GRIA1: variants seen among roughly 807,000 people sequenced by gnomAD.
GRIA1 encodes the protein glutamate ionotropic receptor AMPA type subunit 1.
A neutral mutation model predicts 99.2 loss-of-function variants in GRIA1; 31 were observed. That is an observed-to-expected ratio of 0.31 (90% CI 0.23 to 0.42). GRIA1 has a LOEUF of 0.42. Ranked by LOEUF, GRIA1 falls within the 10% of genes least tolerant of loss-of-function variation. GRIA1 has a pLI of 1.00. For synonymous variants in GRIA1, 438 were observed against 432.4 expected, an observed-to-expected ratio of 1.01 and a Z score of -0.16; for missense variants, 782 against 1,157.5, an observed-to-expected ratio of 0.68 and a Z score of 4.71.
rs1292082267 is a variant in GRIA1 at position 153,634,319 on chromosome 5, AAAAAAAAAAAG to A, written c.221-12596_221-12586del. On this transcript the variant is annotated intron_variant, in intron 2 of 15. Coordinates refer to ENST00000285900, the MANE Select transcript of GRIA1 (RefSeq NM_000827.4). ...GGCAACAGAGTGAGACTCCATCTCA[AAAAAAAAAAAG>A]AAAAAAAAAAGAGTAGGATGAGTAT... Among the ~76,000 whole-genome samples, 7 of 122,778 alleles carry A rather than the reference AAAAAAAAAAAG, an allele frequency of 5.7e-5. No individual in the cohort carries two copies. The East Asian group carries it at 1.2e-3, about 21-fold the overall frequency. 80.5% of individuals were successfully genotyped at this position (122,778 alleles called of 152,430 possible).
intron 2 of GRIA1, among the ~76,000 whole-genome samples, chr5:153,503,036 A>C (rs1755157542): frequency 6.6e-6 from 1 of 152,160 alleles, no homozygotes; most frequent in African/African-American, 2.4e-5. Flanking sequence ...ATTATTGCAC[A>C]TTCATTTTTA....
At chr5:153,769,806 A>G (rs1377932725) in intron 12 of GRIA1, among the ~76,000 whole-genome samples, 1 of 151,806 alleles carries the variant, frequency 6.6e-6, no homozygotes, top group Non-Finnish European at 1.5e-5. Context: ...TCAGCTTTCT[A>G]TTTCTTCTGG....
At chr5:153,668,456 T>A (rs891853611) in intron 5 of GRIA1, among the ~76,000 whole-genome samples, 3 of 152,352 alleles carry the variant, frequency 2.0e-5, no homozygotes, top group Admixed American at 2.0e-4. Context: ...TGTGGAACTA[T>A]ATGACATTAA....
At chr5:153,648,805 T>C (rs1349322313) in intron 3 of GRIA1, among the ~76,000 whole-genome samples, 1 of 151,654 alleles carries the variant, frequency 6.6e-6, no homozygotes, top group Non-Finnish European at 1.5e-5. Context: ...CCATGCAAGA[T>C]CAAAATAATA....
intron 7 of GRIA1, among the ~76,000 whole-genome samples, chr5:153,683,621 A>G (rs900906652): frequency 1.3e-5 from 2 of 152,198 alleles, no homozygotes; most frequent in Admixed American, 1.3e-4. Context: ...GAAGGCAGTA[A>G]AAGTGTCAGT....
At chr5:153,626,851 G>C (rs948867704) in intron 2 of GRIA1, among the ~76,000 whole-genome samples, 3 of 152,144 alleles carry the variant, frequency 2.0e-5, no homozygotes, top group African/African-American at 7.2e-5. Context: ...CAGCTCAAGA[G>C]ACAGTAGGAA....
chr5:153,656,414 T>TATATATATATATATATATATA (rs1754968532), intron 5 of GRIA1, among the ~76,000 whole-genome samples: 52 of 146,840 alleles, frequency 3.5e-4, no homozygotes, highest in African/African-American at 4.5e-4. Flanking sequence ...TATATATATA[T>TATATATATATATATATATATA]TTGTTTTAAT....
chr5:153,789,351 A>G lies in GRIA1; in HGVS notation c.2271-5270A>G, dbSNP rs116444704. ...TATATATATATCTCCTACATATATG[A>G]TATAAATAAATATATATGTTGTGTA... On this transcript the variant is annotated intron_variant, in intron 13 of 15. Coordinates refer to ENST00000285900, the MANE Select transcript of GRIA1 (RefSeq NM_000827.4). 5.8e-3 allele frequency among the ~76,000 whole-genome samples: 868 copies of G among 150,322 alleles called. 9 individuals are homozygous for G. The highest frequency in any genetic ancestry group is 0.02 in the African/African-American group (827 of 41,168).
chr5:153,752,650 C>G (rs978043569), intron 11 of GRIA1, among the ~76,000 whole-genome samples: 4 of 152,182 alleles, frequency 2.6e-5, no homozygotes, highest in Non-Finnish European at 5.9e-5. Context: ...GGCATATTCA[C>G]TTTTATCTCC....
At chr5:153,627,460 G>A (rs1767740471) in intron 2 of GRIA1, among the ~76,000 whole-genome samples, 1 of 152,086 alleles carries the variant, frequency 6.6e-6, no homozygotes, top group Admixed American at 6.6e-5. Flanking sequence ...TGTTCCAGGT[G>A]GCCTTTCAGC....
intron 15 of GRIA1, among the ~76,000 whole-genome samples, chr5:153,809,321 C>A (rs1332773347): frequency 6.6e-6 from 1 of 152,168 alleles, no homozygotes; most frequent in African/African-American, 2.4e-5. Context: ...CACACTTTTT[C>A]TTCAATGGAA....
intron 11 of GRIA1, among the ~76,000 whole-genome samples, chr5:153,739,264 C>G (rs1254748987): frequency 6.6e-6 from 1 of 152,088 alleles, no homozygotes; most frequent in East Asian, 1.9e-4. Context: ...AACCATTTAT[C>G]TCTTTCACTC....
intron 14 of GRIA1, among the ~76,000 whole-genome samples, chr5:153,795,277 T>C (rs1765573506): frequency 6.6e-6 from 1 of 152,108 alleles, no homozygotes; most frequent in African/African-American, 2.4e-5. Flanking sequence ...CTCATCTTGC[T>C]ATACTAGAGA....
At chr5:153,530,825 C>T (rs1758031736) in intron 2 of GRIA1, among the ~76,000 whole-genome samples, 2 of 152,228 alleles carry the variant, frequency 1.3e-5, no homozygotes, top group Admixed American at 1.3e-4. Flanking sequence ...ATCTAACCAG[C>T]CATACCTTTC....
chr5:153,748,961 C>T (rs1762332956), intron 11 of GRIA1, among the ~76,000 whole-genome samples: 2 of 152,076 alleles, frequency 1.3e-5, no homozygotes, highest in South Asian at 2.1e-4. Context: ...TCTGTGTATA[C>T]AGGCCATGTG....
At chr5:153,749,457 C>G (rs1762369947) in intron 11 of GRIA1, among the ~76,000 whole-genome samples, 1 of 152,114 alleles carries the variant, frequency 6.6e-6, no homozygotes, top group African/African-American at 2.4e-5. Flanking sequence ...CTGATGAGGG[C>G]CTCAGGCTGC....
At chr5:153,805,683 C>T (rs914209659) in intron 15 of GRIA1, among the ~76,000 whole-genome samples, 4 of 152,174 alleles carry the variant, frequency 2.6e-5, no homozygotes, top group Admixed American at 2.6e-4. Flanking sequence ...CCTCTTAAAA[C>T]TGGGACCATG....
intron 14 of GRIA1, among the ~76,000 whole-genome samples, chr5:153,798,887 C>G (rs1394499082): frequency 6.6e-6 from 1 of 152,042 alleles, no homozygotes; most frequent in African/African-American, 2.4e-5. Context: ...AGGGAGACAG[C>G]AAATCAAGAC....
At chr5:153,552,250 A>G (rs1221504432) in intron 2 of GRIA1, among the ~76,000 whole-genome samples, 7 of 45,710 alleles carry the variant, frequency 1.5e-4, no homozygotes, top group African/African-American at 2.0e-4. Context: ...AAAAAAAAGA[A>G]AAAAAAAAAG....
Sources: allele counts gnomAD v4.1 joint callset (sites outside exome capture counted in the v4.1 genomes callset), GRCh38; gene constraint gnomAD v4.1.1; transcripts MANE v1.5; gene names NCBI Gene and HGNC (gene_info 2026-07-23, HGNC 2026-07-21).